WDR72: variants seen among roughly 807,000 people sequenced by gnomAD.
WDR72 encodes WD repeat domain 72, also known as WD repeat-containing protein 72.
In WDR72, 120 loss-of-function variants were observed where a neutral mutation model predicts 124.2. The ratio of observed to expected loss-of-function variants is 0.97; its 90% CI spans 0.83 to 1.12. WDR72 has a LOEUF of 1.12. Ranked by LOEUF, WDR72 falls within the 50% of genes most tolerant of loss-of-function variation. The pLI is 0.00. For synonymous variants in WDR72, 452 were observed against 441.7 expected (o/e 1.02, Z -0.29); for missense variants, 1,387 against 1,278.8 (o/e 1.08, Z -1.29).
Position 53,616,168 on chromosome 15 carries a change from G to A in WDR72, c.2038C>T (p.His680Tyr). 1 of 1,606,374 alleles carries A rather than the reference G, an allele frequency of 6.2e-7. No individual in the cohort carries two copies. The highest frequency in any genetic ancestry group is 8.5e-7 in the Non-Finnish European group (1 of 1,177,562). The change falls in exon 15 of 20, where the codon CAT becomes TAT. Residue 680 changes from histidine (H) to tyrosine (Y), a missense_variant. Coordinates refer to ENST00000360509, the MANE Select transcript of WDR72 (RefSeq NM_182758.4). ...TTTTCCAGATCAAATAGAAGAATATGAAAGCCAACGTTACTCCATTTTGTC... is the reference window on the plus strand; with the variant it reads ...TTTTCCAGATCAAATAGAAGAATATAAAAGCCAACGTTACTCCATTTTGTC... ...VKTKWSNVGFHILLFDLENLV... is the reference protein window; with the variant it reads ...VKTKWSNVGFYILLFDLENLV...
chr15:53,631,554 CAGA>C (rs1394924488), intron 14 of WDR72, among the ~76,000 whole-genome samples: 1 of 152,092 alleles, frequency 6.6e-6, no homozygotes, highest in Non-Finnish European at 1.5e-5. Flanking sequence ...ATGGAGGCCT[CAGA>C]AGAAGACAGG....
chr15:53,517,657 T>C lies in WDR72; in HGVS notation c.*42A>G, dbSNP rs1243964163. ...ATAAACAAATGGCATCTTTTGGATT[T>C]CTTAATTTGTCCAAATTCAGCTCCT... On this transcript the variant is annotated 3_prime_UTR_variant, in exon 20 of 20. Transcript: ENST00000360509. 1 of 1,600,402 alleles carries C rather than the reference T, an allele frequency of 6.2e-7. No individual in the cohort carries two copies. The highest frequency in any genetic ancestry group is 8.6e-7 in the Non-Finnish European group (1 of 1,168,028).
chr15:53,749,859 A>G (rs1174864773), intron 1 of WDR72, among the ~76,000 whole-genome samples: 2 of 152,186 alleles, frequency 1.3e-5, no homozygotes, highest in Admixed American at 6.5e-5. Context: ...ACTAATCCGG[A>G]GCAGCACTCT....
intron 14 of WDR72, among the ~76,000 whole-genome samples, chr15:53,621,401 A>G (rs1236014450): frequency 1.3e-5 from 2 of 148,194 alleles, no homozygotes; most frequent in African/African-American, 2.5e-5. Context: ...CCAAATGCTC[A>G]TCCATCAATG....
intron 18 of WDR72, among the ~76,000 whole-genome samples, chr15:53,534,576 G>T (rs1006445036): frequency 6.6e-6 from 1 of 152,040 alleles, no homozygotes; most frequent in Non-Finnish European, 1.5e-5. Context: ...TTAGTTCAAG[G>T]AAAGGGTCAC....
At chr15:53,664,032 G>A (rs690327) in intron 14 of WDR72, among the ~76,000 whole-genome samples, 13,234 of 151,612 alleles carry the variant, frequency 0.087, 1,539 homozygotes, top group African/African-American at 0.26. Context: ...AGGAAAGTAC[G>A]AACAAAAGCA....
At position 53,665,656 on chromosome 15, in the gene WDR72, G is replaced by C; in HGVS notation, c.1878C>G (p.His626Gln). The C allele has an allele frequency of 2.5e-6, 4 of 1,613,906 alleles. No homozygotes were observed. The highest frequency in any genetic ancestry group is 1.1e-5 in the South Asian group (1 of 91,080). Residue 626 changes from histidine to glutamine, a missense_variant, in exon 14 of 20, where the codon CAC becomes CAG. His to Gln is a conservative substitution (Grantham distance 24). Coordinates refer to ENST00000360509, the MANE Select transcript of WDR72 (RefSeq NM_182758.4). Reference protein sequence around the residue: ...VLPIASETLKHKSIEQRSSSP... With the variant: ...VLPIASETLKQKSIEQRSSSP... The stretch of plus-strand genomic sequence containing the variant: ...TGGAGGATCTCTGTTCTATACTTTT[G>C]TGCTTAAGTGTCTCTGAGGCAATGG...
At chr15:53,598,519 G>C (rs7172090) in intron 17 of WDR72, among the ~76,000 whole-genome samples, 20,909 of 151,964 alleles carry the variant, frequency 0.14, 2,213 homozygotes, top group African/African-American at 0.3. Flanking sequence ...GGTAGCATGT[G>C]AGACCTTCAG....
Position 53,616,216 on chromosome 15 carries a change from G to A in WDR72, c.1990C>T (p.Pro664Ser). The A allele has an allele frequency of 1.2e-6, 2 of 1,602,760 alleles. No homozygotes were observed. Among genetic ancestry groups the A allele is most frequent in the South Asian group, 1.1e-5 (1 of 90,940 alleles). The change falls in exon 15 of 20, where the codon CCT (proline) becomes TCT (serine). Residue 664 changes from proline (P) to serine (S), a missense_variant. Physicochemically the swap from Pro to Ser is moderately conservative, Grantham distance 74. Coordinates refer to ENST00000360509, the MANE Select transcript of WDR72 (RefSeq NM_182758.4). ...KVTDAKFCPRPFNVLPVKTKW... is the reference protein window; with the variant it reads ...KVTDAKFCPRSFNVLPVKTKW... Reference sequence around the variant, plus strand: ...GTCTTCACAGGCAAGACATTAAAAGGTCTTGGGCAAAATTTGGCATCAGTA... The same window carrying A: ...GTCTTCACAGGCAAGACATTAAAAGATCTTGGGCAAAATTTGGCATCAGTA...
chr15:53,519,834 C>A (rs1891688087), intron 19 of WDR72, among the ~76,000 whole-genome samples: 2 of 152,068 alleles, frequency 1.3e-5, no homozygotes, highest in Admixed American at 1.3e-4. Context: ...TATATGCAGA[C>A]TGCAGCCCAT....
At chr15:53,737,562 G>A (rs1438048756) in intron 1 of WDR72, among the ~76,000 whole-genome samples, 2 of 152,144 alleles carry the variant, frequency 1.3e-5, no homozygotes, top group Admixed American at 1.3e-4. Flanking sequence ...GTTGGGGGAG[G>A]TGGTGGTCAC....
Position 53,580,066 on chromosome 15 carries a change from C to T in WDR72, c.3148+17013G>A, listed in dbSNP as rs2011834370. ...AGGTGATTAACTATCAGAAATTACC[C>T]AAGATAGCTGCCCACATGTCTGGAG... On this transcript the variant is annotated intron_variant, in intron 18 of 19. Transcript: ENST00000360509. 1.3e-5 allele frequency among the ~76,000 whole-genome samples: 2 copies of T among 151,980 alleles called. 1 individual carries two copies. The highest frequency in any genetic ancestry group is 1.3e-4 in the Admixed American group (2 of 15,222).
At chr15:53,700,386 G>A (rs1219039338) in intron 12 of WDR72, among the ~76,000 whole-genome samples, 1 of 152,202 alleles carries the variant, frequency 6.6e-6, no homozygotes, top group East Asian at 1.9e-4. Context: ...ATTTGGTGCT[G>A]TTCCCAGAAC....
At chr15:53,547,611 A>T (rs1893538818) in intron 18 of WDR72, among the ~76,000 whole-genome samples, 1 of 152,080 alleles carries the variant, frequency 6.6e-6, no homozygotes, top group Admixed American at 6.5e-5. Context: ...GGAACAGGGA[A>T]CTTCTGAAAT....
intron 13 of WDR72, among the ~76,000 whole-genome samples, chr15:53,686,506 G>A (rs555960384): frequency 6.6e-6 from 1 of 151,832 alleles, no homozygotes; most frequent in African/African-American, 2.4e-5. Flanking sequence ...AACAAGAAGA[G>A]CTAACTATCC....
intron 18 of WDR72, among the ~76,000 whole-genome samples, chr15:53,588,539 T>C (rs1211500296): frequency 6.6e-6 from 1 of 151,922 alleles, no homozygotes; most frequent in Non-Finnish European, 1.5e-5. Context: ...AGAGTTAAAA[T>C]GGAAGGATAA....
intron 18 of WDR72, among the ~76,000 whole-genome samples, chr15:53,564,232 T>A (rs1894221282): frequency 6.6e-6 from 1 of 151,844 alleles, no homozygotes. Context: ...TTGCTCAATC[T>A]GATAATTGAT....
At chr15:53,743,945 G>C (rs529130171) in intron 1 of WDR72, among the ~76,000 whole-genome samples, 1 of 150,696 alleles carries the variant, frequency 6.6e-6, no homozygotes, top group African/African-American at 2.4e-5. Flanking sequence ...ACTGCAGCCC[G>C]GCCTGGGCGA....
At chr15:53,754,986 T>A (rs1030258439) in intron 1 of WDR72, among the ~76,000 whole-genome samples, 1 of 152,212 alleles carries the variant, frequency 6.6e-6, no homozygotes, top group African/African-American at 2.4e-5. Context: ...TCAACCCCTT[T>A]TGGTGACACA....
Sources: allele counts gnomAD v4.1 joint callset (sites outside exome capture counted in the v4.1 genomes callset), GRCh38; gene constraint gnomAD v4.1.1; transcripts MANE v1.5; gene names NCBI Gene and HGNC (gene_info 2026-07-23, HGNC 2026-07-21).